VCP: variants seen among roughly 807,000 people sequenced by gnomAD.
The protein encoded by VCP is transitional endoplasmic reticulum ATPase.
In VCP, 6 loss-of-function variants were observed where a neutral mutation model predicts 85.7. That is an observed-to-expected ratio of 0.07 (90% CI 0.04 to 0.14). VCP has a LOEUF of 0.14. VCP is among the 10% of genes least tolerant of loss of function. The probability of loss-of-function intolerance (pLI) is 1.00; values close to 1 mark genes in which losing one functional copy is unlikely to be tolerated. For synonymous variants in VCP, 384 were observed against 367.1 expected, an observed-to-expected ratio of 1.05 and a Z score of -0.53; for missense variants, 353 against 1,043.4, an observed-to-expected ratio of 0.34 and a Z score of 9.12.
In VCP at chr9:35,059,881, C is replaced by T. The variant is rs1587120598; in HGVS notation, c.1696-80G>A. ...AACGTGGTGGCTCACACCTGTATTC[C>T]CAGCACTTTGGGAGGCCAAGGTGGG... On this transcript the variant is annotated intron_variant, in intron 13 of 16. Coordinates refer to ENST00000358901, the MANE Select transcript of VCP (RefSeq NM_007126.5). The surrounding 1 kb of genome is among the most constrained non-coding windows in gnomAD (Gnocchi z 4.9). 1.3e-6 allele frequency: 2 copies of T among 1,590,552 alleles called. No individual in the cohort carries two copies. The highest frequency in any genetic ancestry group is 4.5e-5 in the East Asian group (2 of 44,604).
At position 35,061,851 on chromosome 9, in the gene VCP, GTGGT is replaced by G. The variant is rs1483265446; in HGVS notation, c.1081+148_1081+151del. 5 of 1,472,024 alleles carry G rather than the reference GTGGT, an allele frequency of 3.4e-6. No homozygotes were observed. In the African/African-American group the frequency reaches 5.6e-5, roughly 16 times the overall value. 91.2% of individuals were successfully genotyped at this position (1,472,024 alleles called of 1,614,324 possible). A position where few individuals can be genotyped will look rare whatever the true frequency, so the allele number is the denominator to read the frequency against. ...ACCTTTCAGTCTCAGGAAAACCAGG[GTGGT>G]TGGTCACTCTAGACAGGACGTAGGG... On this transcript the variant is annotated intron_variant, in intron 9 of 16. Transcript: ENST00000358901.
intron 6 of VCP, among the ~76,000 whole-genome samples, chr9:35,063,690 C>G (rs1012389632): frequency 6.6e-6 from 1 of 152,170 alleles, no homozygotes; most frequent in Non-Finnish European, 1.5e-5. Flanking sequence ...AAACACTTTC[C>G]CACTAGGAAA....
At chr9:35,071,091 T>C (rs1295886337) in intron 1 of VCP, among the ~76,000 whole-genome samples, 1 of 152,194 alleles carries the variant, frequency 6.6e-6, no homozygotes, top group African/African-American at 2.4e-5. Context: ...GTTCCAAGAA[T>C]TTTAGATTTT....
intron 1 of VCP, among the ~76,000 whole-genome samples, chr9:35,069,955 A>G (rs187516197): frequency 3.3e-5 from 5 of 152,362 alleles, no homozygotes; most frequent in African/African-American, 9.6e-5. Context: ...AAAACAAGAC[A>G]AAATAGTATT....
In VCP at chr9:35,062,982, G is replaced by T. The variant is rs747249229; in HGVS notation, c.807C>A (p.Ile269=). 2 of 1,613,932 alleles carry T rather than the reference G, an allele frequency of 1.2e-6. No homozygotes were observed. Among genetic ancestry groups the T allele is most frequent in the Non-Finnish European group, 1.7e-6 (2 of 1,179,972 alleles). The part of the protein sequence containing the change: ...ANETGAFFFL[I]NGPEIMSKLA... ...AAGATGAACCAAATATCTCACCATTGATCAAGAAGAAGAAGGCTCCAGTCT... is the reference window on the plus strand; with the variant it reads ...AAGATGAACCAAATATCTCACCATTTATCAAGAAGAAGAAGGCTCCAGTCT... Residue 269 remains isoleucine (I), a synonymous_variant, in exon 7 of 17, where the codon ATC becomes ATA. Transcript: ENST00000358901.
Position 35,065,250 on chromosome 9 carries a change from C to T in VCP, c.576+1G>A. 1 of 1,614,142 alleles carries T rather than the reference C, an allele frequency of 6.2e-7. No individual in the cohort carries two copies. Among genetic ancestry groups the T allele is most frequent in the African/African-American group, 1.3e-5 (1 of 75,040 alleles). Reference sequence around the variant, plus strand: ...ATACTGGAATCAGGGAGAAAACTCACCTCTCGTTTGATAGGCTCCCCTTCG... The same window carrying T: ...ATACTGGAATCAGGGAGAAAACTCATCTCTCGTTTGATAGGCTCCCCTTCG... On this transcript the variant is annotated splice_donor_variant, in intron 5 of 16. Coordinates refer to ENST00000358901, the MANE Select transcript of VCP (RefSeq NM_007126.5). LOFTEE classifies it high-confidence loss of function.
rs1192770154 is a variant in VCP at position 35,072,386 on chromosome 9, G to T, written c.-33C>A. 3 of 1,472,016 alleles carry T rather than the reference G, an allele frequency of 2.0e-6. No individual in the cohort carries two copies. In the African/African-American group the frequency reaches 4.4e-5, roughly 22 times the overall value. The allele number at this position is 1,472,016 out of a possible 1,614,324, so 91.2% of individuals were successfully genotyped here. A position where few individuals can be genotyped will look rare whatever the true frequency, so the allele number is the denominator to read the frequency against. Reference sequence around the variant, plus strand: ...GCCTCTCCCGGCCGGCGGCTGTGGCGGCCCGCGGGTAACGGCTACGAGCGG... The same window carrying T: ...GCCTCTCCCGGCCGGCGGCTGTGGCTGCCCGCGGGTAACGGCTACGAGCGG... On this transcript the variant is annotated 5_prime_UTR_variant, in exon 1 of 17. Transcript: ENST00000358901.
chr9:35,066,063 T>C (rs1828822554), intron 4 of VCP, among the ~76,000 whole-genome samples: 1 of 148,272 alleles, frequency 6.7e-6, no homozygotes, highest in Admixed American at 6.8e-5. Flanking sequence ...GAGGCGGAGG[T>C]TGCAGTGAGC....
intron 2 of VCP, 24 bp from the exon 3 acceptor site, chr9:35,068,087 T>C (rs764776944): frequency 1.9e-6 from 3 of 1,614,060 alleles, no homozygotes; most frequent in South Asian, 2.2e-5. Context: ...GTTAAGGCCT[T>C]TGGGTCATTG....
In VCP at chr9:35,072,432, C is replaced by A. The variant is rs1828978454; in HGVS notation, c.-79G>T. ...AGCGGTGGCAAGCGACCGACTGGGC[C>A]GGGGCTCGGCTCTTCCAGGCGGTGG... On this transcript the variant is annotated 5_prime_UTR_variant, in exon 1 of 17. Transcript: ENST00000358901. The A allele has an allele frequency of 7.1e-7, 1 of 1,409,152 alleles. No homozygotes were observed. Among genetic ancestry groups the A allele is most frequent in the Non-Finnish European group, 9.2e-7 (1 of 1,084,418 alleles). 87.3% of individuals were successfully genotyped at this position (1,409,152 alleles called of 1,614,324 possible).
chr9:35,057,581 T>C, intron 15 of VCP, 51 bp from the exon 16 acceptor site: 2 of 1,599,414 alleles, frequency 1.3e-6, no homozygotes, highest in Non-Finnish European at 1.7e-6. Flanking sequence ...CCAGCCTGGA[T>C]TTCATCCCAG....
intron 13 of VCP, 67 bp downstream of exon 13, chr9:35,060,246 A>G: frequency 2.0e-6 from 3 of 1,536,888 alleles, no homozygotes; most frequent in South Asian, 2.3e-5. Context: ...AACCCTCTTA[A>G]AGAAAAACAG....
intron 1 of VCP, chr9:35,071,924 T>A: frequency 9.8e-7 from 1 of 1,018,374 alleles, no homozygotes; most frequent in Non-Finnish European, 1.2e-6. Flanking sequence ...TCGCGGGGCC[T>A]GCTCTCTCCG....
intron 7 of VCP, among the ~76,000 whole-genome samples, chr9:35,062,567 T>C (rs1587123905): frequency 6.6e-6 from 1 of 152,082 alleles, no homozygotes; most frequent in Admixed American, 6.6e-5. Context: ...CTTCTCACAG[T>C]TGAACTGTAA....
chr9:35,065,671 A>C (rs1302354281), intron 4 of VCP, among the ~76,000 whole-genome samples: 1 of 152,198 alleles, frequency 6.6e-6, no homozygotes, highest in East Asian at 1.9e-4. Context: ...TTTTCACTAC[A>C]ACCACCAATG....
At position 35,061,679 on chromosome 9, in the gene VCP, G is replaced by A. The variant is rs61752947; in HGVS notation, c.1092C>T (p.Asp364=). 1.0e-3 allele frequency: 1,557 copies of A among 1,556,602 alleles called. 25 individuals carry two copies. In the African/African-American group the frequency reaches 0.019, roughly 19 times the overall value. Residue 364 remains aspartate, a synonymous_variant, in exon 10 of 17, where the codon GAC becomes GAT. Coordinates refer to ENST00000358901, the MANE Select transcript of VCP (RefSeq NM_007126.5). ...DPALRRFGRF[D]REVDIGIPDA... ...CAGGAATTCCAATATCTACCTCCCT[G>A]TCAAAGCGACCTGTGGGACAGTACA...
chr9:35,057,851 TAC>T, intron 15 of VCP: 2 of 425,114 alleles, frequency 4.7e-6, no homozygotes, highest in Non-Finnish European at 8.8e-6. Flanking sequence ...TTATAGAACT[TAC>T]ACACACTTGT....
Position 35,062,359 on chromosome 9 carries a change from A to G in VCP, c.812-9T>C. ...GCTCATGATCTCAGGACCTGAAAGG[A>G]TACAGAATGGAGACAATAACAAAAT... On this transcript the variant is annotated splice_polypyrimidine_tract_variant and intron_variant, in intron 7 of 16. Transcript: ENST00000358901. The G allele has an allele frequency of 6.2e-7, 1 of 1,614,118 alleles. No individual in the cohort carries two copies. The highest frequency in any genetic ancestry group is 8.5e-7 in the Non-Finnish European group (1 of 1,180,020).
At chr9:35,060,612 A>G (rs1587121384) in intron 12 of VCP, 87 bp from the exon 13 acceptor site, 1 of 1,528,304 alleles carries the variant, frequency 6.5e-7, no homozygotes, top group Non-Finnish European at 9.0e-7. Context: ...CCATTATTTC[A>G]TGGTGTACCC....
Sources: gnomAD v4.1 joint callset for allele counts (sites outside exome capture counted in the v4.1 genomes callset) on GRCh38, gnomAD v4.1.1 for gene constraint, Gnocchi (gnomAD v3.1) non-coding constraint, MANE v1.5 for transcripts, NCBI Gene and HGNC (gene_info 2026-07-23, HGNC 2026-07-21) for gene names.